The following GALC variants were observed in gnomAD, a reference collection of about 807,000 sequenced individuals.
GALC encodes the protein galactocerebrosidase.
GALC carries 77 observed loss-of-function variants against 91.8 expected under a neutral mutation model. The observed-to-expected ratio is 0.84, with a 90% CI of 0.70 to 1.01. GALC has a LOEUF of 1.01. Among genes scored for constraint, GALC ranks in the 50% least tolerant of loss-of-function variants. The pLI is 0.00. For synonymous variants in GALC, 357 were observed against 306.7 expected (o/e 1.16, Z -1.71); for missense variants, 882 against 855.9 (o/e 1.03, Z -0.38).
chr14:87,957,315 T>C (rs1885598942), intron 10 of GALC, among the ~76,000 whole-genome samples: 1 of 152,150 alleles, frequency 6.6e-6, no homozygotes, highest in Middle Eastern at 3.2e-3. Flanking sequence ...GTCTTAGTTA[T>C]AAATTATTTG....
rs947530506 is a variant in GALC at position 87,934,126 on chromosome 14, A to G, written c.*606T>C. The G allele has an allele frequency of 1.4e-6, 2 of 1,440,166 alleles. No homozygotes were observed. Among genetic ancestry groups the G allele is most frequent in the African/African-American group, 2.9e-5 (2 of 69,814 alleles). 89.2% of individuals were successfully genotyped at this position (1,440,166 alleles called of 1,614,324 possible). On this transcript the variant is annotated 3_prime_UTR_variant, in exon 17 of 17. Transcript: ENST00000261304. ...TTACTGCAGAAATAGTGTTAGAGGT[A>G]GTTTATTAAAGAGGCATTTTTAAAA...
chr14:87,935,584 A>G (rs2139927524), intron 16 of GALC, among the ~76,000 whole-genome samples: 1 of 152,174 alleles, frequency 6.6e-6, no homozygotes, highest in South Asian at 2.1e-4. Context: ...TTGCCATTCT[A>G]CTTAGCTCAG....
intron 1 of GALC, among the ~76,000 whole-genome samples, chr14:87,990,606 T>C (rs1887158966): frequency 6.6e-6 from 1 of 152,234 alleles, no homozygotes; most frequent in African/African-American, 2.4e-5. Flanking sequence ...TGACCCTAGG[T>C]AAACAATGCT....
At chr14:87,967,833 A>G (rs1481399516) in intron 8 of GALC, among the ~76,000 whole-genome samples, 1 of 152,172 alleles carries the variant, frequency 6.6e-6, no homozygotes, top group African/African-American at 2.4e-5. Flanking sequence ...TTTAAATGCA[A>G]TATGTGTGTG....
At chr14:87,963,293 T>C in intron 10 of GALC, 91 bp downstream of exon 10, 1 of 1,377,704 alleles carries the variant, frequency 7.3e-7, no homozygotes, top group Non-Finnish European at 1.0e-6. Flanking sequence ...TGCTTATGTA[T>C]TTACATGTAA....
At chr14:87,954,754 T>G (rs1202725595) in intron 10 of GALC, 2 of 1,573,570 alleles carry the variant, frequency 1.3e-6, no homozygotes, top group African/African-American at 2.7e-5. Flanking sequence ...TGAAGAGTAT[T>G]TCTTTTCTTC....
chr14:87,983,991 A>G (rs1265624562), intron 5 of GALC, among the ~76,000 whole-genome samples: 2 of 152,186 alleles, frequency 1.3e-5, no homozygotes, highest in Admixed American at 1.3e-4. Context: ...GCCCTTTAAT[A>G]AAAAGTTTGC....
At chr14:87,967,170 C>T (rs1886091553) in intron 8 of GALC, among the ~76,000 whole-genome samples, 1 of 152,120 alleles carries the variant, frequency 6.6e-6, no homozygotes, top group South Asian at 2.1e-4. Flanking sequence ...GAAAAAGTTC[C>T]TAATGTCGTC....
chr14:87,992,320 A>G (rs1330301400), intron 1 of GALC: 1 of 1,535,742 alleles, frequency 6.5e-7, no homozygotes, highest in Non-Finnish European at 8.7e-7. Context: ...GTCGGCCACC[A>G]TGAAGCCCAT....
intron 7 of GALC, among the ~76,000 whole-genome samples, chr14:87,975,846 T>A (rs1367019953): frequency 6.6e-6 from 1 of 151,816 alleles, no homozygotes; most frequent in African/African-American, 2.4e-5. Flanking sequence ...ATTCACTTTT[T>A]AAAAAAAATG....
intron 6 of GALC, among the ~76,000 whole-genome samples, chr14:87,980,099 T>C (rs1399329468): frequency 6.6e-6 from 1 of 152,130 alleles, no homozygotes; most frequent in Non-Finnish European, 1.5e-5. Flanking sequence ...TATGCCATTA[T>C]TGGCTGGGCG....
intron 6 of GALC, 68 bp from the exon 7 acceptor site, chr14:87,976,556 AAGAT>A: frequency 4.1e-6 from 5 of 1,216,568 alleles, no homozygotes; most frequent in South Asian, 2.5e-5. Flanking sequence ...ATTTATGACC[AAGAT>A]AGATAAAGTT....
intron 6 of GALC, among the ~76,000 whole-genome samples, chr14:87,977,407 C>G (rs1329872014): frequency 6.6e-6 from 1 of 152,146 alleles, no homozygotes; most frequent in Non-Finnish European, 1.5e-5. Context: ...GGAGCCCTCA[C>G]CCTTAGGTGG....
At chr14:87,965,327 CAG>C (rs1566990344) in intron 9 of GALC, among the ~76,000 whole-genome samples, 176 bp downstream of exon 9, 1 of 152,150 alleles carries the variant, frequency 6.6e-6, no homozygotes, top group Non-Finnish European at 1.5e-5. Context: ...TTAGAATAAT[CAG>C]AGAGTAGTCT....
rs1448244760 is a variant in GALC, at chr14:87,934,882, G to C, written c.1912-4C>G. On this transcript the variant is annotated splice_polypyrimidine_tract_variant and splice_region_variant and intron_variant, in intron 16 of 16. Transcript: ENST00000261304. ...GCATGCCAGAGGTGAAATGACCCTA[G>C]AGTAGAAAGAAACACATTCCTTGAA... The C allele has an allele frequency of 6.3e-7, 1 of 1,597,218 alleles. No individual in the cohort carries two copies. Among genetic ancestry groups the C allele is most frequent in the East Asian group, 2.2e-5 (1 of 44,740 alleles).
chr14:87,991,164 CT>C (rs1206947791), intron 1 of GALC, among the ~76,000 whole-genome samples: 1 of 152,104 alleles, frequency 6.6e-6, no homozygotes, highest in Non-Finnish European at 1.5e-5. Context: ...AGTCTACATT[CT>C]TTTTGTTTTG....
chr14:87,957,924 A>C (rs2139980288), intron 10 of GALC, among the ~76,000 whole-genome samples: 2 of 152,246 alleles, frequency 1.3e-5, no homozygotes, highest in Middle Eastern at 3.4e-3. Context: ...TGAAAATGAG[A>C]CCACAATGCC....
chr14:87,954,264 G>A, intron 10 of GALC: 10 of 1,535,146 alleles, frequency 6.5e-6, no homozygotes, highest in Admixed American at 1.7e-5. Flanking sequence ...CCTTCAGCCT[G>A]ATGTATTAGT....
At position 87,965,507 on chromosome 14, in the gene GALC, G is replaced by A; in HGVS notation, c.1031C>T (p.Ser344Leu). Reference sequence around the variant, plus strand: ...TGAGAGATGGAACTGAACCATACCTGATACCCAGACAGGAGATTCTACCAC... The same window carrying A: ...TGAGAGATGGAACTGAACCATACCTAATACCCAGACAGGAGATTCTACCAC... ...HYVVESPVWV[S>L]AHTTQFTQPG... The change falls in exon 9 of 17, where the codon TCA becomes TTA. Residue 344 changes from serine (S) to leucine (L), a missense_variant and splice_region_variant. Ser to Leu is a moderately radical substitution (Grantham distance 145). Coordinates refer to ENST00000261304, the MANE Select transcript of GALC (RefSeq NM_000153.4). The A allele has an allele frequency of 6.2e-7, 1 of 1,613,312 alleles. No homozygotes were observed. The highest frequency in any genetic ancestry group is 1.1e-5 in the South Asian group (1 of 91,074).
Sources: gnomAD v4.1 joint callset for allele counts (sites outside exome capture counted in the v4.1 genomes callset) on GRCh38, gnomAD v4.1.1 for gene constraint, MANE v1.5 for transcripts, NCBI Gene and HGNC (gene_info 2026-07-23, HGNC 2026-07-21) for gene names.